Variants in SLC25A21 observed in about 807,000 individuals in gnomAD.
SLC25A21 encodes the protein solute carrier family 25 member 21.
In SLC25A21, 47 loss-of-function variants were observed where a neutral mutation model predicts 43.8. The observed-to-expected ratio is 1.07, with a 90% confidence interval of 0.85 to 1.37. The LOEUF (loss-of-function observed/expected upper bound fraction) is 1.37, where lower values mean the gene tolerates loss of function less well. Ranked by LOEUF, SLC25A21 falls within the 40% of genes most tolerant of loss-of-function variation. SLC25A21 has a pLI of 0.00. For missense variants in SLC25A21, 352 were observed against 350.2 expected (o/e 1.00, Z -0.04); for synonymous variants, 131 against 121.3 (o/e 1.08, Z -0.52).
intron 1 of SLC25A21, among the ~76,000 whole-genome samples, chr14:37,036,657 A>G (rs1961333447): frequency 6.9e-6 from 1 of 143,962 alleles, no homozygotes; most frequent in South Asian, 2.3e-4. Flanking sequence ...TGCACACTCC[A>G]CAATCAATAG....
intron 1 of SLC25A21, among the ~76,000 whole-genome samples, chr14:36,987,320 ATCT>A (rs1264794264): frequency 7.2e-5 from 11 of 152,184 alleles, no homozygotes; most frequent in African/African-American, 2.4e-4. Flanking sequence ...TTTGTAACCA[ATCT>A]TCTTTTTCTA....
At position 37,062,715 on chromosome 14, in the gene SLC25A21, T is replaced by C. The variant is rs530061247; in HGVS notation, c.70+109566A>G. The stretch of plus-strand genomic sequence containing the variant: ...CAAGATCGGGACAGGGGAGTGACCC[T>C]TGGGAAATAAGAAGCATAACAATCA... On this transcript the variant is annotated intron_variant, in intron 1 of 9. Coordinates refer to ENST00000331299, the MANE Select transcript of SLC25A21 (RefSeq NM_030631.4). Among the ~76,000 whole-genome samples the C allele has an allele frequency of 3.3e-5, 5 of 152,164 alleles. No individual in the cohort carries two copies. In the South Asian group the frequency reaches 1.0e-3, roughly 32 times the overall value.
intron 1 of SLC25A21, among the ~76,000 whole-genome samples, chr14:37,077,047 C>T (rs1039192653): frequency 6.6e-6 from 1 of 152,174 alleles, no homozygotes; most frequent in Non-Finnish European, 1.5e-5. Flanking sequence ...CTGTTTGTAA[C>T]ATTAAACCCC....
intron 1 of SLC25A21, among the ~76,000 whole-genome samples, chr14:37,110,585 C>T (rs1474400682): frequency 6.6e-6 from 1 of 152,110 alleles, no homozygotes; most frequent in Non-Finnish European, 1.5e-5. Flanking sequence ...GCAATTAGGT[C>T]ATTTCTAACT....
chr14:36,999,175 A>G (rs1045682896), intron 1 of SLC25A21, among the ~76,000 whole-genome samples: 16 of 152,202 alleles, frequency 1.1e-4, no homozygotes, highest in African/African-American at 3.9e-4. Flanking sequence ...TGGTACATAC[A>G]GACAATGGAA....
intron 3 of SLC25A21, among the ~76,000 whole-genome samples, chr14:36,756,062 C>T (rs906815118): frequency 3.3e-5 from 5 of 152,154 alleles, no homozygotes; most frequent in African/African-American, 4.8e-5. Flanking sequence ...TGGGGTGGTG[C>T]CATCCCATAA....
intron 3 of SLC25A21, among the ~76,000 whole-genome samples, chr14:36,762,097 G>A (rs754667720): frequency 2.0e-5 from 3 of 152,284 alleles, no homozygotes; most frequent in Middle Eastern, 3.4e-3. Flanking sequence ...TAAACATAGC[G>A]AAGGCAACAC....
In SLC25A21 at chr14:36,679,341, A is replaced by G. The variant is rs1272205820; in HGVS notation, c.*1317T>C. 1 of 970,002 alleles carries G rather than the reference A, an allele frequency of 1.0e-6. No homozygotes were observed. The highest frequency in any genetic ancestry group is 1.8e-5 in the African/African-American group (1 of 56,844). 60.1% of individuals were successfully genotyped at this position (970,002 alleles called of 1,614,324 possible). ...TTATTTTTATACTTCAAATGCTCTA[A>G]ATTAATAAAAAGTAATAATTACCAT... On this transcript the variant is annotated 3_prime_UTR_variant, in exon 10 of 10. Transcript: ENST00000331299.
chr14:36,971,182 G>T (rs970483233), intron 1 of SLC25A21, among the ~76,000 whole-genome samples: 3 of 152,150 alleles, frequency 2.0e-5, no homozygotes, highest in African/African-American at 7.2e-5. Context: ...ATACTGAGGG[G>T]TAAGGAAGTC....
intron 3 of SLC25A21, among the ~76,000 whole-genome samples, chr14:36,757,650 A>G (rs1386201578): frequency 6.6e-6 from 1 of 152,198 alleles, no homozygotes; most frequent in African/African-American, 2.4e-5. Flanking sequence ...TGAAGGTGCT[A>G]CAATTTTTTA....
chr14:36,813,780 T>C (rs1056840467), intron 3 of SLC25A21, 138 bp downstream of exon 3: 2 of 635,390 alleles, frequency 3.1e-6, no homozygotes, highest in South Asian at 1.9e-5. Context: ...ATCACATTAT[T>C]AGGAAAAACA....
At chr14:36,825,900 A>G (rs555922919) in intron 2 of SLC25A21, among the ~76,000 whole-genome samples, 1 of 152,338 alleles carries the variant, frequency 6.6e-6, no homozygotes, top group Admixed American at 6.5e-5. Flanking sequence ...TTCTCATGCA[A>G]CGAATCCTCC....
intron 1 of SLC25A21, among the ~76,000 whole-genome samples, chr14:37,154,843 T>C (rs1006793991): frequency 6.6e-6 from 1 of 151,964 alleles, no homozygotes; most frequent in East Asian, 1.9e-4. Context: ...GGTTTCTCCA[T>C]GTTGGTCAGG....
At chr14:37,084,165 C>T (rs936737978) in intron 1 of SLC25A21, among the ~76,000 whole-genome samples, 1 of 152,086 alleles carries the variant, frequency 6.6e-6, no homozygotes, top group Non-Finnish European at 1.5e-5. Flanking sequence ...GGCAGTCCCT[C>T]CCCCCACCTT....
intron 1 of SLC25A21, among the ~76,000 whole-genome samples, chr14:36,884,542 G>A (rs1227447581): frequency 1.3e-5 from 2 of 152,058 alleles, no homozygotes; most frequent in Non-Finnish European, 2.9e-5. Context: ...AGTTCTTTGA[G>A]GGACCTCAAT....
At chr14:36,745,768 C>T (rs1190965098) in intron 3 of SLC25A21, among the ~76,000 whole-genome samples, 1 of 151,990 alleles carries the variant, frequency 6.6e-6, no homozygotes, top group Non-Finnish European at 1.5e-5. Flanking sequence ...GGATAGATTG[C>T]AAAAATTGTC....
intron 3 of SLC25A21, among the ~76,000 whole-genome samples, chr14:36,773,347 T>C (rs1165165033): frequency 6.6e-6 from 1 of 152,130 alleles, no homozygotes; most frequent in East Asian, 1.9e-4. Context: ...TCAATTAACA[T>C]TCATCTGGGA....
intron 2 of SLC25A21, among the ~76,000 whole-genome samples, chr14:36,858,304 C>T (rs1435748930): frequency 6.6e-6 from 1 of 152,144 alleles, no homozygotes; most frequent in Non-Finnish European, 1.5e-5. Context: ...TCAGAAGGTT[C>T]TCCGAAGTGA....
chr14:37,153,842 G>T (rs1963801219), intron 1 of SLC25A21, among the ~76,000 whole-genome samples: 1 of 152,088 alleles, frequency 6.6e-6, no homozygotes, highest in South Asian at 2.1e-4. Flanking sequence ...TATCTCCTCA[G>T]CTGACCTATC....
Sources: gnomAD v4.1 joint callset for allele counts (sites outside exome capture counted in the v4.1 genomes callset) on GRCh38, gnomAD v4.1.1 for gene constraint, MANE v1.5 for transcripts, NCBI Gene and HGNC (gene_info 2026-07-23, HGNC 2026-07-21) for gene names.